Variants in ZCWPW1 observed in about 807,000 individuals in gnomAD.
The protein encoded by ZCWPW1 is zinc finger CW-type and PWWP domain containing 1, also known as zinc finger CW-type PWWP domain protein 1.
A neutral mutation model predicts 81.3 loss-of-function variants in ZCWPW1; 56 were observed. That is an observed-to-expected ratio of 0.69 (90% confidence interval 0.56 to 0.86). The LOEUF is 0.86. ZCWPW1 is among the 40% of genes least tolerant of loss of function. ZCWPW1 has a pLI of 0.00. For synonymous variants in ZCWPW1, 250 were observed against 273.7 expected, an observed-to-expected ratio of 0.91 and a Z score of 0.86; for missense variants, 650 against 769.8, an observed-to-expected ratio of 0.84 and a Z score of 1.84.
chr7:100,419,807 G>A lies in ZCWPW1; in HGVS notation c.105C>T (p.Asn35=). The A allele has an allele frequency of 1.2e-6, 2 of 1,613,240 alleles. No individual in the cohort carries two copies. The highest frequency in any genetic ancestry group is 1.3e-5 in the African/African-American group (1 of 74,944). ...KSYSLLPCSP[N]SPKEETPGIS... Reference sequence around the variant, plus strand: ...TCCCCGGGGTCTCCTCCTTAGGGGAGTTAGGGCTACAAGGTAACAGGCTGT... The same window carrying A: ...TCCCCGGGGTCTCCTCCTTAGGGGAATTAGGGCTACAAGGTAACAGGCTGT... The change falls in exon 4 of 18, where the codon AAC becomes AAT. Residue 35 remains asparagine (N), a synonymous_variant. Transcript: ENST00000684423.
At chr7:100,401,679 C>T (rs1584236205) in intron 17 of ZCWPW1, among the ~76,000 whole-genome samples, 1 of 152,240 alleles carries the variant, frequency 6.6e-6, no homozygotes, top group Non-Finnish European at 1.5e-5. Context: ...TTCTCTTCTA[C>T]CATTCTCCTG....
chr7:100,409,456 T>G lies in ZCWPW1; in HGVS notation c.843A>C (p.Pro281=). ...TGTTCTGATCACAGGACCAATTATC[T>G]GGGAGAACTGAGGGGTCAATGTTCC... is the stretch of plus-strand genomic sequence containing the variant. ...LCGNIDPSVL[P]DNWSCDQNTD... is the part of the protein sequence containing the mutation. The change falls in exon 9 of 18, where the codon CCA becomes CCC. Residue 281 remains proline (P), a synonymous_variant. Transcript: ENST00000684423. The G allele has an allele frequency of 6.2e-7, 1 of 1,614,122 alleles. No homozygotes were observed.
chr7:100,417,295 C>T (rs985843473), intron 5 of ZCWPW1, 112 bp from the exon 6 acceptor site: 2 of 694,344 alleles, frequency 2.9e-6, no homozygotes, highest in Non-Finnish European at 4.9e-6. Flanking sequence ...AAGAGCCTAC[C>T]TGTCATATCA....
chr7:100,419,284 G>GT (rs2130794879), intron 4 of ZCWPW1, 95 bp from the exon 5 acceptor site: 1 of 1,079,234 alleles, frequency 9.3e-7, no homozygotes, highest in East Asian at 2.4e-5. Flanking sequence ...GAGGCAGTAA[G>GT]TTTATAAGAC....
chr7:100,420,562 G>A, intron 3 of ZCWPW1, 60 bp downstream of exon 3: 1 of 1,605,526 alleles, frequency 6.2e-7, no homozygotes, highest in Non-Finnish European at 8.5e-7. Flanking sequence ...TGGAAAGGAT[G>A]TCCAAAAGGA....
intron 8 of ZCWPW1, among the ~76,000 whole-genome samples, chr7:100,412,576 AT>A (rs986528620): frequency 8.0e-5 from 12 of 149,194 alleles, no homozygotes; most frequent in East Asian, 7.8e-4. Flanking sequence ...AATCCATTTT[AT>A]TTTTTTTTTA....
In ZCWPW1 at chr7:100,400,939, C is replaced by G. The variant is rs543019705; in HGVS notation, c.*75G>C. On this transcript the variant is annotated 3_prime_UTR_variant, in exon 18 of 18. Transcript: ENST00000684423. ...ACATTTGAACCTCATAGCCAATGAACAGACCCAGCACTTAGCAACTTCTCC... is the reference window on the plus strand; with the variant it reads ...ACATTTGAACCTCATAGCCAATGAAGAGACCCAGCACTTAGCAACTTCTCC... 20 of 1,442,168 alleles carry G rather than the reference C, an allele frequency of 1.4e-5. No homozygotes were observed. In the East Asian group the frequency reaches 3.6e-4, roughly 26 times the overall value. The allele number at this position is 1,442,168 out of a possible 1,614,324, so 89.3% of individuals were successfully genotyped here.
At chr7:100,427,341 T>C (rs1379933088) in intron 1 of ZCWPW1, among the ~76,000 whole-genome samples, 1 of 149,296 alleles carries the variant, frequency 6.7e-6, no homozygotes, top group African/African-American at 2.5e-5. Context: ...GGCGGGTGGA[T>C]CACCTTAAGT....
intron 7 of ZCWPW1, 33 bp from the exon 8 acceptor site, chr7:100,416,130 G>A (rs1795171449): frequency 6.2e-7 from 1 of 1,611,450 alleles, no homozygotes. Context: ...GAGGTGGGGA[G>A]ATGAAGAAGA....
chr7:100,414,322 T>A (rs1325741194), intron 8 of ZCWPW1, among the ~76,000 whole-genome samples: 1 of 152,240 alleles, frequency 6.6e-6, no homozygotes, highest in Non-Finnish European at 1.5e-5. Flanking sequence ...TATTCCACTG[T>A]TTCTTAAAGT....
intron 8 of ZCWPW1, among the ~76,000 whole-genome samples, chr7:100,411,859 G>T (rs1247482006): frequency 6.6e-6 from 1 of 152,080 alleles, no homozygotes; most frequent in Non-Finnish European, 1.5e-5. Context: ...CAAGAACATT[G>T]TACTTTTTTA....
intron 1 of ZCWPW1, among the ~76,000 whole-genome samples, chr7:100,426,354 T>C (rs1177080613): frequency 6.6e-6 from 1 of 152,018 alleles, no homozygotes; most frequent in East Asian, 1.9e-4. Context: ...TTAGCCAGCG[T>C]GGTGGCAGGC....
intron 10 of ZCWPW1, among the ~76,000 whole-genome samples, chr7:100,407,796 G>A (rs1196084540): frequency 6.6e-6 from 1 of 152,096 alleles, no homozygotes; most frequent in Non-Finnish European, 1.5e-5. Flanking sequence ...GACTTCCATC[G>A]ATGCACACAG....
At chr7:100,419,406 A>G (rs1795948242) in intron 4 of ZCWPW1, among the ~76,000 whole-genome samples, 1 of 152,140 alleles carries the variant, frequency 6.6e-6, no homozygotes, top group East Asian at 1.9e-4. Flanking sequence ...GTCTACTTCT[A>G]TCCCCACCTC....
chr7:100,416,918 C>G, intron 6 of ZCWPW1, 148 bp downstream of exon 6: 1 of 692,536 alleles, frequency 1.4e-6, no homozygotes, highest in Non-Finnish European at 2.4e-6. Flanking sequence ...TGTACTCCAG[C>G]CTGGGCGACA....
chr7:100,416,356 A>T lies in ZCWPW1; in HGVS notation c.580T>A (p.Ser194Thr). Reference sequence around the variant, plus strand: ...GTGAGTCTATTGGATTTCTTCTTAGAGGGTGCAGGATCTGGCTGGCCTAAC... The same window carrying T: ...GTGAGTCTATTGGATTTCTTCTTAGTGGGTGCAGGATCTGGCTGGCCTAAC... ...SKLGQPDPAP[S>T]KKKSNRLTLS... Residue 194 changes from serine to threonine, a missense_variant, in exon 7 of 18, where the codon TCT becomes ACT. Coordinates refer to ENST00000684423, the MANE Select transcript of ZCWPW1 (RefSeq NM_001386010.1). 6.2e-7 allele frequency: 1 copy of T among 1,614,138 alleles called. No individual in the cohort carries two copies. The highest frequency in any genetic ancestry group is 2.2e-5 in the East Asian group (1 of 44,888).
chr7:100,416,499 A>G, intron 6 of ZCWPW1, 43 bp from the exon 7 acceptor site: 2 of 1,602,692 alleles, frequency 1.2e-6, no homozygotes, highest in Non-Finnish European at 1.7e-6. Context: ...AAAATAGAGC[A>G]ATTGCAGAAC....
rs1791979822 is a variant in ZCWPW1 at position 100,401,885 on chromosome 7, T to C, written c.1627+4A>G. 3 of 1,610,358 alleles carry C rather than the reference T, an allele frequency of 1.9e-6. No individual in the cohort carries two copies. The highest frequency in any genetic ancestry group is 2.2e-5 in the South Asian group (2 of 90,508). On this transcript the variant is annotated splice_donor_region_variant and intron_variant, in intron 17 of 17. Transcript: ENST00000684423. Reference sequence around the variant, plus strand: ...CTTAGTTTTTCCCAGGCCTTGAGCCTTACCTGGCTGGTCAGAATCTGAATT... The same window carrying C: ...CTTAGTTTTTCCCAGGCCTTGAGCCCTACCTGGCTGGTCAGAATCTGAATT...
intron 8 of ZCWPW1, among the ~76,000 whole-genome samples, chr7:100,410,299 C>T (rs1206618149): frequency 1.3e-5 from 2 of 152,170 alleles, no homozygotes; most frequent in African/African-American, 4.8e-5. Flanking sequence ...ATCTGAACTT[C>T]TATCTCCTTT....
Sources: allele counts gnomAD v4.1 joint callset (sites outside exome capture counted in the v4.1 genomes callset), GRCh38; gene constraint gnomAD v4.1.1; transcripts MANE v1.5; gene names NCBI Gene and HGNC (gene_info 2026-07-23, HGNC 2026-07-21).